Variants in PCDH15 observed in about 807,000 individuals in gnomAD.
PCDH15 encodes protocadherin-15.
A neutral mutation model predicts 178.5 loss-of-function variants in PCDH15; 129 were observed. The observed-to-expected ratio is 0.72, with a 90% CI of 0.63 to 0.84. PCDH15 has a LOEUF of 0.84. Among genes scored for constraint, PCDH15 ranks in the 40% least tolerant of loss-of-function variants. The pLI is 0.00. For missense variants in PCDH15, 2,230 were observed against 2,099.9 expected (o/e 1.06, Z -1.21); for synonymous variants, 800 against 732.0 (o/e 1.09, Z -1.50).
intron 25 of PCDH15, among the ~76,000 whole-genome samples, chr10:53,904,517 T>G (rs2082541357): frequency 1.3e-5 from 2 of 151,152 alleles, no homozygotes; most frequent in Non-Finnish European, 2.9e-5. Context: ...GAACAGTGAG[T>G]TAACCTCAAG....
rs555422147 is a variant in PCDH15 at position 54,559,314 on chromosome 10, G to C, written c.92-31437C>G. 7.2e-5 allele frequency among the ~76,000 whole-genome samples: 11 copies of C among 152,010 alleles called. No homozygotes were observed. In the East Asian group the frequency reaches 2.1e-3, roughly 29 times the overall value. On this transcript the variant is annotated intron_variant, in intron 2 of 37. Transcript: ENST00000644397. ...AATAATGTATTTAAGGCTCCTAGTA[G>C]ATACTCTTTTAACAGGAACTACTAA...
At chr10:53,844,881 T>C (rs1391451447) in intron 28 of PCDH15, among the ~76,000 whole-genome samples, 1 of 151,820 alleles carries the variant, frequency 6.6e-6, no homozygotes, top group Non-Finnish European at 1.5e-5. Flanking sequence ...AATAGGCAAA[T>C]GGGATTACAT....
At chr10:54,111,357 GTCT>G (rs992495270) in intron 15 of PCDH15, among the ~76,000 whole-genome samples, 1 of 151,850 alleles carries the variant, frequency 6.6e-6, no homozygotes, top group Non-Finnish European at 1.5e-5. Context: ...ATTCAAATTA[GTCT>G]TTTTTCATTT....
chr10:54,471,786 C>T (rs1182051174), intron 3 of PCDH15, among the ~76,000 whole-genome samples: 3 of 151,794 alleles, frequency 2.0e-5, no homozygotes, highest in African/African-American at 7.3e-5. Flanking sequence ...TTCCCTAGGT[C>T]AGAAACTTTA....
chr10:54,852,637 G>A (rs1272301856), intron 3 of PCDH15, among the ~76,000 whole-genome samples: 1 of 151,824 alleles, frequency 6.6e-6, no homozygotes, highest in East Asian at 2.0e-4. Context: ...TGGATCATGA[G>A]GTCAGGAGTT....
chr10:54,097,647 T>A (rs1408678298), intron 15 of PCDH15, among the ~76,000 whole-genome samples: 2 of 152,198 alleles, frequency 1.3e-5, no homozygotes, highest in Non-Finnish European at 2.9e-5. Flanking sequence ...TTTACTATTA[T>A]ATCCTAGCAT....
At chr10:53,811,253 G>A (rs1409644403) in intron 36 of PCDH15, among the ~76,000 whole-genome samples, 1 of 152,010 alleles carries the variant, frequency 6.6e-6, no homozygotes, top group African/African-American at 2.4e-5. Flanking sequence ...GGTGAATTTA[G>A]GAATTGAGCA....
chr10:54,509,765 C>G (rs533898182), intron 3 of PCDH15, among the ~76,000 whole-genome samples: 2 of 152,232 alleles, frequency 1.3e-5, no homozygotes, highest in Admixed American at 1.3e-4. Flanking sequence ...AAACTCAGTG[C>G]CAACAAACCC....
chr10:54,256,817 C>G (rs1171219349), intron 8 of PCDH15, among the ~76,000 whole-genome samples: 1 of 152,112 alleles, frequency 6.6e-6, no homozygotes, highest in East Asian at 1.9e-4. Flanking sequence ...CTTAGAGAAG[C>G]TTCACTGACC....
intron 15 of PCDH15, among the ~76,000 whole-genome samples, chr10:54,107,705 T>A (rs947776559): frequency 6.6e-6 from 1 of 152,090 alleles, no homozygotes; most frequent in Non-Finnish European, 1.5e-5. Context: ...CTGAGTGATA[T>A]CAGGCTATCT....
At chr10:54,741,243 A>G (rs1944769923) in intron 1 of PCDH15, among the ~76,000 whole-genome samples, 1 of 151,050 alleles carries the variant, frequency 6.6e-6, no homozygotes, top group African/African-American at 2.4e-5. Flanking sequence ...ATATACTAGT[A>G]TACAAAAACT....
chr10:54,782,870 T>A (rs1950508305), intron 1 of PCDH15, among the ~76,000 whole-genome samples: 1 of 152,076 alleles, frequency 6.6e-6, no homozygotes, highest in South Asian at 2.1e-4. Flanking sequence ...ATACCACTGA[T>A]GTTAATTGAA....
intron 1 of PCDH15, among the ~76,000 whole-genome samples, chr10:54,720,199 T>C (rs1941347930): frequency 6.6e-6 from 1 of 152,074 alleles, no homozygotes; most frequent in Non-Finnish European, 1.5e-5. Flanking sequence ...ACTGGGTATA[T>C]ACCCAAAGGA....
intron 5 of PCDH15, among the ~76,000 whole-genome samples, chr10:54,358,090 A>G (rs1291796873): frequency 6.6e-6 from 1 of 150,528 alleles, no homozygotes; most frequent in Non-Finnish European, 1.5e-5. Context: ...ATTACCATTC[A>G]GGACATAGGC....
chr10:55,303,060 T>C (rs1038799243), intron 1 of PCDH15, among the ~76,000 whole-genome samples: 1 of 150,136 alleles, frequency 6.7e-6, no homozygotes, highest in Non-Finnish European at 1.5e-5. Flanking sequence ...AATAAGGTTA[T>C]AAGATAAGAA....
chr10:54,410,122 A>C (rs542021799), intron 3 of PCDH15, among the ~76,000 whole-genome samples: 3 of 152,278 alleles, frequency 2.0e-5, no homozygotes, highest in African/African-American at 7.2e-5. Flanking sequence ...ATCTAGACAA[A>C]ATGTCAGTAT....
rs184724968 is a variant in PCDH15, at chr10:55,488,872, C to T, written c.-156+138753G>A. 2.0e-5 allele frequency among the ~76,000 whole-genome samples: 3 copies of T among 151,370 alleles called. No individual in the cohort carries two copies. The East Asian group carries it at 5.9e-4, about 30-fold the overall frequency. The stretch of plus-strand genomic sequence containing the variant: ...GTTTTTAAGCTAAAATGTTATCCAG[C>T]AATGCATTAAGAAACACACTAGAAT... On this transcript the variant is annotated intron_variant, in intron 2 of 5. Transcript: ENST00000613346.
chr10:54,864,494 G>GGATA (rs1367400727), intron 3 of PCDH15, among the ~76,000 whole-genome samples: 3 of 152,256 alleles, frequency 2.0e-5, no homozygotes, highest in Non-Finnish European at 4.4e-5. Context: ...CTTATATCAA[G>GGATA]GATAGATGTA....
At chr10:55,469,386 G>A (rs565932341) in intron 2 of PCDH15, among the ~76,000 whole-genome samples, 2 of 151,956 alleles carry the variant, frequency 1.3e-5, no homozygotes, top group Non-Finnish European at 1.5e-5. Flanking sequence ...ATTTATGTAT[G>A]TATATATGTA....
Sources: allele counts gnomAD v4.1 joint callset (sites outside exome capture counted in the v4.1 genomes callset), GRCh38; gene constraint gnomAD v4.1.1; transcripts MANE v1.5; gene names NCBI Gene and HGNC (gene_info 2026-07-23, HGNC 2026-07-21).